The following MAN1C1 variants were observed in gnomAD, a reference collection of about 807,000 sequenced individuals.
MAN1C1 encodes the protein mannosidase alpha class 1C member 1.
MAN1C1 carries 49 observed loss-of-function variants against 71.5 expected under a neutral mutation model. The observed-to-expected ratio is 0.69, with a 90% CI of 0.54 to 0.87. MAN1C1 has a LOEUF of 0.87. Ranked by LOEUF, MAN1C1 falls within the 40% of genes least tolerant of loss-of-function variation. The pLI is 0.00. For missense variants in MAN1C1, 743 were observed against 835.0 expected, an observed-to-expected ratio of 0.89 and a Z score of 1.36; for synonymous variants, 352 against 343.7, an observed-to-expected ratio of 1.02 and a Z score of -0.27.
chr1:25,619,904 A>C (rs943251318), intron 1 of MAN1C1, among the ~76,000 whole-genome samples: 2 of 152,190 alleles, frequency 1.3e-5, no homozygotes, highest in African/African-American at 4.8e-5. Context: ...GCATGCATGC[A>C]GTTTTTCATG....
chr1:25,717,998 T>A (rs976272869), intron 2 of MAN1C1, among the ~76,000 whole-genome samples: 7 of 131,492 alleles, frequency 5.3e-5, no homozygotes, highest in African/African-American at 2.6e-4. Flanking sequence ...ATAGCTTTAT[T>A]TACACACACA....
At chr1:25,652,948 A>G (rs1247364716) in intron 1 of MAN1C1, among the ~76,000 whole-genome samples, 2 of 151,778 alleles carry the variant, frequency 1.3e-5, no homozygotes, top group African/African-American at 2.4e-5. Context: ...TGTAGAAATG[A>G]GGTCTCGCCA....
At chr1:25,752,523 C>T (rs1476016268) in intron 4 of MAN1C1, among the ~76,000 whole-genome samples, 1 of 152,210 alleles carries the variant, frequency 6.6e-6, no homozygotes, top group African/African-American at 2.4e-5. Flanking sequence ...ATTATCTAAC[C>T]ACTTTCCTAT....
chr1:25,630,417 ATTTT>A (rs1046355916), intron 1 of MAN1C1, among the ~76,000 whole-genome samples: 2 of 151,758 alleles, frequency 1.3e-5, no homozygotes, highest in African/African-American at 4.8e-5. Context: ...TTTTAGGATT[ATTTT>A]TTCTAATTCT....
chr1:25,679,972 TATATATAC>T (rs1310387328), intron 1 of MAN1C1, among the ~76,000 whole-genome samples: 3 of 136,722 alleles, frequency 2.2e-5, no homozygotes, highest in Non-Finnish European at 4.6e-5. Context: ...TATATATATA[TATATATAC>T]ACACACACAC....
intron 6 of MAN1C1, chr1:25,761,432 G>C (rs1402460633): frequency 6.6e-6 from 1 of 151,858 alleles, no homozygotes; most frequent in Non-Finnish European, 1.5e-5. Flanking sequence ...TAAGCATTCT[G>C]AATACTTAAG....
intron 1 of MAN1C1, among the ~76,000 whole-genome samples, chr1:25,626,306 T>G (rs1187558616): frequency 1.3e-5 from 2 of 152,224 alleles, no homozygotes; most frequent in Non-Finnish European, 2.9e-5. Flanking sequence ...GTTTCCTTGT[T>G]AACTGTTGAT....
intron 8 of MAN1C1, 130 bp downstream of exon 8, chr1:25,771,902 G>A (rs1432004729): frequency 1.2e-5 from 8 of 679,346 alleles, no homozygotes; most frequent in Non-Finnish European, 1.8e-5. Context: ...GCAATGAACC[G>A]GTGAGAAGAT....
chr1:25,625,128 C>T (rs1380760136), intron 1 of MAN1C1, among the ~76,000 whole-genome samples: 2 of 151,526 alleles, frequency 1.3e-5, no homozygotes, highest in African/African-American at 4.9e-5. Flanking sequence ...GCCTCAGCCT[C>T]CCGAGTAGCT....
intron 1 of MAN1C1, among the ~76,000 whole-genome samples, chr1:25,635,260 G>A (rs561315907): frequency 6.6e-6 from 1 of 152,022 alleles, no homozygotes; most frequent in African/African-American, 2.4e-5. Context: ...ATTATATAAA[G>A]CCAAGAAGTT....
chr1:25,672,241 A>G (rs2046003054), intron 1 of MAN1C1, among the ~76,000 whole-genome samples: 1 of 152,074 alleles, frequency 6.6e-6, no homozygotes, highest in African/African-American at 2.4e-5. Context: ...CCTTTCCTCT[A>G]CCTTTTCTAT....
At chr1:25,732,146 C>T (rs758552614) in intron 2 of MAN1C1, among the ~76,000 whole-genome samples, 19 of 152,092 alleles carry the variant, frequency 1.2e-4, no homozygotes, top group Non-Finnish European at 2.1e-4. Flanking sequence ...TAGGGAGAGG[C>T]GGCAGCTCTC....
intron 1 of MAN1C1, among the ~76,000 whole-genome samples, chr1:25,677,356 C>T (rs2046083071): frequency 6.6e-6 from 1 of 152,048 alleles, no homozygotes; most frequent in African/African-American, 2.4e-5. Flanking sequence ...TCACAGGCTA[C>T]AGGAAGGGAG....
intron 7 of MAN1C1, 55 bp from the exon 8 acceptor site, chr1:25,771,602 C>A: frequency 7.1e-7 from 1 of 1,401,440 alleles, no homozygotes; most frequent in Non-Finnish European, 1.0e-6. Context: ...AGGCCCTGCC[C>A]CGTGAGAGCC....
At chr1:25,666,173 G>T (rs535825443) in intron 1 of MAN1C1, among the ~76,000 whole-genome samples, 4 of 152,300 alleles carry the variant, frequency 2.6e-5, no homozygotes, top group Non-Finnish European at 5.9e-5. Context: ...TTATGCCTCT[G>T]ATTTCTTCTG....
rs1051331375 is a variant in MAN1C1, at chr1:25,766,937, G to A, written c.1141+2970G>A. The stretch of plus-strand genomic sequence containing the variant: ...CCAGCCTCCTGCTGCCAGGTGTGAC[G>A]AGCGCATTGGCACGGTCAGGAAGCA... On this transcript the variant is annotated intron_variant, in intron 7 of 11. Coordinates refer to ENST00000374332, the MANE Select transcript of MAN1C1 (RefSeq NM_020379.4). Among the ~76,000 whole-genome samples the A allele has an allele frequency of 5.9e-5, 9 of 151,952 alleles. No individual in the cohort carries two copies. The South Asian group carries it at 6.2e-4, about 10-fold the overall frequency.
intron 1 of MAN1C1, among the ~76,000 whole-genome samples, chr1:25,682,701 G>A (rs1441306422): frequency 6.6e-6 from 1 of 152,090 alleles, no homozygotes; most frequent in Non-Finnish European, 1.5e-5. Context: ...CAATCAAATG[G>A]GCCTGGGAAG....
chr1:25,772,673 A>G (rs1057507652), intron 8 of MAN1C1, among the ~76,000 whole-genome samples: 1 of 152,110 alleles, frequency 6.6e-6, no homozygotes. Flanking sequence ...TGTGTGGGGA[A>G]CAGAAGCCAG....
rs371998716 is a variant in MAN1C1 at position 25,780,965 on chromosome 1, C to T, written c.1503C>T (p.Phe501=). The part of the protein sequence containing the change: ...RSDTKLGPEA[F]WFNSGREAVA... ...ACACCAAACTTGGGCCTGAGGCCTTCTGGTTTAACTCCGGCAGAGAGGCCG... is the reference window on the plus strand; with the variant it reads ...ACACCAAACTTGGGCCTGAGGCCTTTTGGTTTAACTCCGGCAGAGAGGCCG... Residue 501 remains phenylalanine, a synonymous_variant, in exon 10 of 12, where the codon TTC becomes TTT. Transcript: ENST00000374332. 2.5e-6 allele frequency: 4 copies of T among 1,614,050 alleles called. No homozygotes were observed. The highest frequency in any genetic ancestry group is 2.5e-6 in the Non-Finnish European group (3 of 1,180,022).
Sources: allele counts gnomAD v4.1 joint callset (sites outside exome capture counted in the v4.1 genomes callset), GRCh38; gene constraint gnomAD v4.1.1; transcripts MANE v1.5; gene names NCBI Gene and HGNC (gene_info 2026-07-23, HGNC 2026-07-21).